SLC24A2: variants seen among roughly 807,000 people sequenced by gnomAD.
SLC24A2 encodes the protein sodium/potassium/calcium exchanger 2.
Under a neutral mutation model 62.0 loss-of-function variants are expected in SLC24A2, and 36 were observed. That is an observed-to-expected ratio of 0.58 (90% confidence interval 0.44 to 0.77). SLC24A2 has a LOEUF of 0.77. Ranked by LOEUF, SLC24A2 falls within the 30% of genes least tolerant of loss-of-function variation. SLC24A2 has a pLI of 0.00. For synonymous variants in SLC24A2, 358 were observed against 294.0 expected, an observed-to-expected ratio of 1.22 and a Z score of -2.23; for missense variants, 846 against 817.9, an observed-to-expected ratio of 1.03 and a Z score of -0.42.
chr9:20,263,861 GCC>G, the SLC24A2 span, among the ~76,000 whole-genome samples: 13 of 30,834 alleles, frequency 4.2e-4, 1 homozygote, highest in African/African-American at 6.4e-4. Context: ...TATCCCACCC[GCC>G]CCCCCCCCCC....
chr9:19,871,153 G>C, the SLC24A2 span, among the ~76,000 whole-genome samples: 2 of 151,992 alleles, frequency 1.3e-5, no homozygotes, highest in African/African-American at 2.4e-5. Context: ...AAAATTTTTG[G>C]TTGGGAGTTC....
chr9:20,033,539 G>A, the SLC24A2 span, among the ~76,000 whole-genome samples: 2 of 152,194 alleles, frequency 1.3e-5, no homozygotes, highest in African/African-American at 4.8e-5. Flanking sequence ...ACAATGGACA[G>A]GATTCTTATT....
upstream of SLC24A2, among the ~76,000 whole-genome samples, chr9:19,790,530 C>CAAAAAAA (rs3086381): frequency 4.1e-5 from 5 of 122,356 alleles, no homozygotes; most frequent in South Asian, 2.7e-4. Context: ...ATTTGAGCAT[C>CAAAAAAA]AAAAAAAAAA....
At chr9:20,243,516 T>G in the SLC24A2 span, among the ~76,000 whole-genome samples, 1 of 152,202 alleles carries the variant, frequency 6.6e-6, no homozygotes, top group Non-Finnish European at 1.5e-5. Context: ...AGCATCATCC[T>G]CAGTATTTGA....
At chr9:20,187,064 C>G in the SLC24A2 span, among the ~76,000 whole-genome samples, 1 of 152,134 alleles carries the variant, frequency 6.6e-6, no homozygotes, top group Non-Finnish European at 1.5e-5. Context: ...GGCCTGGAGA[C>G]AGTGCTCCCT....
chr9:19,849,891 T>G, the SLC24A2 span, among the ~76,000 whole-genome samples: 3 of 152,192 alleles, frequency 2.0e-5, no homozygotes, highest in Non-Finnish European at 2.9e-5. Flanking sequence ...AGTTCTTTAA[T>G]GGTCGTTGTG....
At chr9:19,619,179 T>C (rs1338993221) in intron 4 of SLC24A2, among the ~76,000 whole-genome samples, 4 of 152,248 alleles carry the variant, frequency 2.6e-5, no homozygotes, top group Non-Finnish European at 4.4e-5. Flanking sequence ...TCCTAAATCA[T>C]AGAGTTCTTT....
chr9:19,987,738 A>C, the SLC24A2 span, among the ~76,000 whole-genome samples: 1 of 152,186 alleles, frequency 6.6e-6, no homozygotes, highest in Admixed American at 6.5e-5. Context: ...ATCCTGCATC[A>C]CACATCAGTA....
the SLC24A2 span, among the ~76,000 whole-genome samples, chr9:20,109,523 C>A: frequency 2.0e-5 from 3 of 152,124 alleles, no homozygotes; most frequent in African/African-American, 7.2e-5. Context: ...TGACCAGCCC[C>A]CAGTAAAAAT....
chr9:20,267,427 C>A, the SLC24A2 span, among the ~76,000 whole-genome samples: 1 of 152,302 alleles, frequency 6.6e-6, no homozygotes, highest in African/African-American at 2.4e-5. Context: ...TCTCCTAGTG[C>A]TTGTCTGGCC....
chr9:19,987,811 G>C, the SLC24A2 span, among the ~76,000 whole-genome samples: 3 of 152,106 alleles, frequency 2.0e-5, no homozygotes, highest in Non-Finnish European at 4.4e-5. Flanking sequence ...CTTCCCCAAA[G>C]AAAACTGAAG....
At chr9:19,601,867 G>A (rs1195023696) in intron 4 of SLC24A2, among the ~76,000 whole-genome samples, 1 of 152,150 alleles carries the variant, frequency 6.6e-6, no homozygotes, top group East Asian at 1.9e-4. Context: ...ATTGTGGTGA[G>A]AATTACAGGT....
intron 7 of SLC24A2, among the ~76,000 whole-genome samples, chr9:19,570,649 G>A (rs1835810906): frequency 6.6e-6 from 1 of 152,206 alleles, no homozygotes; most frequent in East Asian, 1.9e-4. Context: ...TCAATATTTA[G>A]CATCTAACTC....
intron 9 of SLC24A2, among the ~76,000 whole-genome samples, chr9:19,525,384 TTCTTTAC>T (rs1833387030): frequency 7.1e-6 from 1 of 141,072 alleles, no homozygotes; most frequent in Non-Finnish European, 1.5e-5. Flanking sequence ...TTTTTCCTAT[TTCTTTAC>T]TTTTTTTTTT....
At chr9:20,118,646 G>T in the SLC24A2 span, among the ~76,000 whole-genome samples, 1 of 151,520 alleles carries the variant, frequency 6.6e-6, no homozygotes, top group Admixed American at 6.6e-5. Flanking sequence ...TCAGTTAAAA[G>T]TAAAAAAAGA....
chr9:19,831,925 T>G, the SLC24A2 span, among the ~76,000 whole-genome samples: 1 of 152,264 alleles, frequency 6.6e-6, no homozygotes, highest in African/African-American at 2.4e-5. Context: ...TCATGATACA[T>G]ATCAAATTAA....
chr9:20,088,035 T>C, the SLC24A2 span, among the ~76,000 whole-genome samples: 1 of 152,162 alleles, frequency 6.6e-6, no homozygotes, highest in Non-Finnish European at 1.5e-5. Context: ...TAGAGATATG[T>C]AGAGTCTTGG....
chr9:19,829,807 A>G, the SLC24A2 span, among the ~76,000 whole-genome samples: 4 of 15,386 alleles, frequency 2.6e-4, no homozygotes, highest in Non-Finnish European at 1.5e-3. Context: ...GTATATATAT[A>G]TATACACACA....
chr9:20,042,235 A>T, the SLC24A2 span, among the ~76,000 whole-genome samples: 5 of 152,338 alleles, frequency 3.3e-5, no homozygotes, highest in East Asian at 9.6e-4. Context: ...AAGCAGGAAG[A>T]AATGGTGGAC....
Sources: allele counts gnomAD v4.1 joint callset (sites outside exome capture counted in the v4.1 genomes callset), GRCh38; gene constraint gnomAD v4.1.1; transcripts MANE v1.5; gene names NCBI Gene and HGNC (gene_info 2026-07-23, HGNC 2026-07-21).